CAMTA1: variants seen among roughly 807,000 people sequenced by gnomAD.
The protein encoded by CAMTA1 is calmodulin binding transcription activator 1.
A neutral mutation model predicts 170.9 loss-of-function variants in CAMTA1; 27 were observed. That is an observed-to-expected ratio of 0.16 (90% CI 0.12 to 0.22). The LOEUF (loss-of-function observed/expected upper bound fraction) is 0.22, where lower values mean the gene tolerates loss of function less well. Ranked by LOEUF, CAMTA1 falls within the 10% of genes least tolerant of loss-of-function variation. The pLI is 1.00. For synonymous variants in CAMTA1, 833 were observed against 891.5 expected, an observed-to-expected ratio of 0.93 and a Z score of 1.17; for missense variants, 1,619 against 2,217.2, an observed-to-expected ratio of 0.73 and a Z score of 5.42.
intron 5 of CAMTA1, among the ~76,000 whole-genome samples, chr1:7,284,134 T>TCTC: frequency 1.5e-5 from 1 of 68,280 alleles, no homozygotes; most frequent in Non-Finnish European, 2.9e-5. Context: ...CTGTTCTTCT[T>TCTC]CTTCTTCTTC....
chr1:7,087,472 C>T (rs757034685), intron 3 of CAMTA1, among the ~76,000 whole-genome samples: 1 of 152,136 alleles, frequency 6.6e-6, no homozygotes, highest in Non-Finnish European at 1.5e-5. Flanking sequence ...TGGGAAGTGA[C>T]CCTGGGTCAG....
At chr1:6,849,757 G>A (rs1027958038) in intron 3 of CAMTA1, among the ~76,000 whole-genome samples, 12 of 151,964 alleles carry the variant, frequency 7.9e-5, no homozygotes, top group Admixed American at 3.3e-4. Context: ...AGGTTAGGCC[G>A]GATGTGGTGG....
intron 11 of CAMTA1, among the ~76,000 whole-genome samples, chr1:7,723,064 G>C (rs1022163899): frequency 6.6e-6 from 1 of 151,942 alleles, no homozygotes; most frequent in African/African-American, 2.4e-5. Context: ...CTTTCCCATC[G>C]AGAAGGCCTA....
At chr1:6,843,416 T>A (rs1203590498) in intron 3 of CAMTA1, among the ~76,000 whole-genome samples, 1 of 152,228 alleles carries the variant, frequency 6.6e-6, no homozygotes, top group Non-Finnish European at 1.5e-5. Flanking sequence ...GAAAACTTTG[T>A]GTTTTTGGTT....
At chr1:7,277,714 T>C (rs1422642260) in intron 5 of CAMTA1, among the ~76,000 whole-genome samples, 1 of 152,086 alleles carries the variant, frequency 6.6e-6, no homozygotes, top group African/African-American at 2.4e-5. Context: ...AAGACATTGA[T>C]ATAATGGCCT....
At chr1:7,485,365 C>T (rs1295017726) in intron 6 of CAMTA1, among the ~76,000 whole-genome samples, 3 of 152,218 alleles carry the variant, frequency 2.0e-5, no homozygotes, top group East Asian at 3.8e-4. Context: ...GACAGCCACT[C>T]GTGCTCCCTG....
chr1:7,212,194 T>C (rs1240134377), intron 4 of CAMTA1, among the ~76,000 whole-genome samples: 1 of 152,244 alleles, frequency 6.6e-6, no homozygotes, highest in Non-Finnish European at 1.5e-5. Context: ...TCTCTCTGGT[T>C]ATGTTATTCT....
chr1:7,669,709 T>C (rs2096038686), intron 9 of CAMTA1, among the ~76,000 whole-genome samples: 1 of 152,166 alleles, frequency 6.6e-6, no homozygotes, highest in Non-Finnish European at 1.5e-5. Flanking sequence ...AGGTGTTTAC[T>C]GGTTTGGGGG....
intron 5 of CAMTA1, among the ~76,000 whole-genome samples, chr1:7,288,800 C>T (rs1466937747): frequency 4.6e-5 from 7 of 152,122 alleles, no homozygotes; most frequent in East Asian, 3.9e-4. Context: ...CCAGCACAGG[C>T]GGCTCTCGTG....
intron 7 of CAMTA1, among the ~76,000 whole-genome samples, chr1:7,645,277 C>T (rs536192641): frequency 1.2e-4 from 19 of 152,322 alleles, no homozygotes; most frequent in Admixed American, 1.2e-3. Context: ...CTGCCATGCC[C>T]CAAACCTTGC....
chr1:6,836,614 T>TATGTGCATGC (rs1303041250), intron 3 of CAMTA1, among the ~76,000 whole-genome samples: 1 of 152,144 alleles, frequency 6.6e-6, no homozygotes. Flanking sequence ...CATGTGCGCG[T>TATGTGCATGC]ATGTGCATGC....
chr1:7,235,970 G>A (rs1007359141), intron 4 of CAMTA1, among the ~76,000 whole-genome samples: 4 of 152,286 alleles, frequency 2.6e-5, no homozygotes, highest in Non-Finnish European at 5.9e-5. Context: ...GAAGCAATTG[G>A]TTTTCATATC....
intron 3 of CAMTA1, among the ~76,000 whole-genome samples, chr1:6,955,414 T>A (rs1340528798): frequency 2.0e-5 from 3 of 152,182 alleles, no homozygotes; most frequent in Admixed American, 6.5e-5. Flanking sequence ...CCTGCTTGTC[T>A]ATAGCCAAAG....
intron 6 of CAMTA1, among the ~76,000 whole-genome samples, chr1:7,474,086 TG>T (rs2093379845): frequency 1.3e-5 from 2 of 152,206 alleles, no homozygotes; most frequent in African/African-American, 4.8e-5. Flanking sequence ...CTGTGTGGGG[TG>T]GGGTTTAGAC....
chr1:7,704,945 C>T (rs2096492565), intron 11 of CAMTA1, among the ~76,000 whole-genome samples: 1 of 80,084 alleles, frequency 1.2e-5, no homozygotes, highest in Non-Finnish European at 2.3e-5. Flanking sequence ...CGGTCGAGGG[C>T]GGCGGCCGGC....
At chr1:7,493,314 CAA>C (rs1272643170) in intron 6 of CAMTA1, among the ~76,000 whole-genome samples, 5 of 19,814 alleles carry the variant, frequency 2.5e-4, no homozygotes, top group African/African-American at 1.7e-3. Context: ...AATGCGCACA[CAA>C]ACAAACCTAC....
At chr1:7,404,841 C>A (rs775021672) in intron 5 of CAMTA1, among the ~76,000 whole-genome samples, 1 of 152,182 alleles carries the variant, frequency 6.6e-6, no homozygotes, top group East Asian at 1.9e-4. Context: ...ACTTTCAGGT[C>A]TGTAGTCAAA....
intron 4 of CAMTA1, among the ~76,000 whole-genome samples, chr1:7,103,422 A>T (rs984235190): frequency 6.2e-5 from 2 of 32,234 alleles, no homozygotes; most frequent in Non-Finnish European, 1.1e-4. Flanking sequence ...CACAGCACAC[A>T]CACCTACACA....
At chr1:6,881,677 A>G (rs1365312013) in intron 3 of CAMTA1, among the ~76,000 whole-genome samples, 1 of 152,128 alleles carries the variant, frequency 6.6e-6, no homozygotes, top group African/African-American at 2.4e-5. Flanking sequence ...GACAGAAAGG[A>G]TCATTCTGGG....
Sources: allele counts gnomAD v4.1 joint callset (sites outside exome capture counted in the v4.1 genomes callset), GRCh38; gene constraint gnomAD v4.1.1; transcripts MANE v1.5; gene names NCBI Gene and HGNC (gene_info 2026-07-23, HGNC 2026-07-21).